TRPM3: variants seen among roughly 807,000 people sequenced by gnomAD.
TRPM3 encodes transient receptor potential cation channel subfamily M member 3, also known as long transient receptor potential channel 3.
Under a neutral mutation model 181.2 loss-of-function variants are expected in TRPM3, and 77 were observed. The ratio of observed to expected loss-of-function variants is 0.42; its 90% confidence interval spans 0.35 to 0.51. The LOEUF (loss-of-function observed/expected upper bound fraction) is 0.51. TRPM3 is among the 20% of genes least tolerant of loss of function. The probability of loss-of-function intolerance (pLI) is 0.01; values close to 1 mark genes in which losing one functional copy is unlikely to be tolerated. For synonymous variants in TRPM3, 745 were observed against 796.4 expected (o/e 0.94, Z 1.09); for missense variants, 1,759 against 2,196.7 (o/e 0.80, Z 3.98).
At chr9:71,147,826 G>C (rs1353286872) in intron 1 of TRPM3, among the ~76,000 whole-genome samples, 1 of 152,152 alleles carries the variant, frequency 6.6e-6, no homozygotes, top group Non-Finnish European at 1.5e-5. Flanking sequence ...CCTGGGGGAA[G>C]CGACAATGCA....
Position 71,004,322 on chromosome 9 carries a change from G to A in TRPM3, c.177+116856C>T, listed in dbSNP as rs2097650250. Among the ~76,000 whole-genome samples the A allele has an allele frequency of 2.0e-5, 3 of 152,354 alleles. No individual in the cohort carries two copies. In the South Asian group the frequency reaches 6.2e-4, roughly 32 times the overall value. On this transcript the variant is annotated intron_variant, in intron 1 of 25. Transcript: ENST00000677713. ...ACCCAAAGGCTGGTGATTAAGTAGT[G>A]GCACTAACTTAAGTCTTTCTCAGAC...
intron 1 of TRPM3, among the ~76,000 whole-genome samples, chr9:70,913,186 CATA>C (rs1345163708): frequency 2.0e-5 from 3 of 152,112 alleles, no homozygotes; most frequent in African/African-American, 7.2e-5. Context: ...AACTGTCTTC[CATA>C]ATATTTGATT....
At chr9:71,365,063 AG>A (rs901101762) in intron 1 of TRPM3, among the ~76,000 whole-genome samples, 2 of 152,184 alleles carry the variant, frequency 1.3e-5, no homozygotes, top group Non-Finnish European at 2.9e-5. Flanking sequence ...GACAAAGAAA[AG>A]GTACACAAGG....
intron 8 of TRPM3, among the ~76,000 whole-genome samples, chr9:70,739,849 C>T (rs909517071): frequency 2.0e-5 from 3 of 152,092 alleles, no homozygotes; most frequent in Non-Finnish European, 4.4e-5. Flanking sequence ...AACTACTGGC[C>T]TCAAGTGATC....
At position 70,761,744 on chromosome 9, in the gene TRPM3, C is replaced by A; in HGVS notation, c.1149-20G>T. The stretch of plus-strand genomic sequence containing the variant: ...ATCAGTCTGCAAGTAAAAACAATGT[C>A]AAAAGCAGGTCAACCAACTCCTATT... On this transcript the variant is annotated intron_variant, in intron 7 of 25. Coordinates refer to ENST00000677713, the MANE Select transcript of TRPM3 (RefSeq NM_001366145.2). The A allele has an allele frequency of 6.2e-7, 1 of 1,600,600 alleles. No homozygotes were observed.
At position 71,267,084 on chromosome 9, in the gene TRPM3, G is replaced by A. The variant is rs531294219; in HGVS notation, c.183+179569C>T. Among the ~76,000 whole-genome samples, 10 of 152,054 alleles carry A rather than the reference G, an allele frequency of 6.6e-5. No homozygotes were observed. In the East Asian group the frequency reaches 1.5e-3, roughly 24 times the overall value. ...CTATGGCAAATTCATGGAGAGTCCC[G>A]AGAAGCTATTCTGCCTACCTGGAGC... is the stretch of plus-strand genomic sequence containing the variant. On this transcript the variant is annotated intron_variant, in intron 1 of 24. Transcript: ENST00000357533.
chr9:70,922,268 T>G (rs1239511083), intron 1 of TRPM3, among the ~76,000 whole-genome samples: 2 of 152,128 alleles, frequency 1.3e-5, no homozygotes, highest in East Asian at 3.9e-4. Context: ...GAGATTGAAC[T>G]CTGAACAATA....
At chr9:71,254,393 G>A (rs560261999) in intron 1 of TRPM3, among the ~76,000 whole-genome samples, 1 of 152,288 alleles carries the variant, frequency 6.6e-6, no homozygotes, top group African/African-American at 2.4e-5. Flanking sequence ...CATTTAGACA[G>A]GAGATATAAG....
chr9:70,872,643 T>C (rs927769733), intron 1 of TRPM3, among the ~76,000 whole-genome samples: 9 of 151,910 alleles, frequency 5.9e-5, no homozygotes, highest in Admixed American at 5.3e-4. Flanking sequence ...TTTGTCTGTG[T>C]CCCCCACTAG....
At chr9:70,909,108 A>G (rs1385874298) in intron 1 of TRPM3, among the ~76,000 whole-genome samples, 12 of 152,262 alleles carry the variant, frequency 7.9e-5, no homozygotes, top group Admixed American at 7.9e-4. Context: ...ATTGCAGTGC[A>G]TTAAAAATGT....
chr9:70,753,251 A>G (rs2135124371), intron 8 of TRPM3, among the ~76,000 whole-genome samples: 1 of 152,250 alleles, frequency 6.6e-6, no homozygotes, highest in African/African-American at 2.4e-5. Context: ...GTACATCAAA[A>G]AAAGTGAAAA....
chr9:71,372,330 T>A (rs1462805643), intron 1 of TRPM3, among the ~76,000 whole-genome samples: 1 of 152,208 alleles, frequency 6.6e-6, no homozygotes, highest in African/African-American at 2.4e-5. Context: ...TTATTTATAT[T>A]CCTTTGGGTA....
chr9:70,661,418 A>T (rs2061120688), intron 9 of TRPM3, among the ~76,000 whole-genome samples: 1 of 152,288 alleles, frequency 6.6e-6, no homozygotes, highest in Non-Finnish European at 1.5e-5. Flanking sequence ...TATTCAACTT[A>T]GTACTGGAAG....
rs1554756427 is a variant in TRPM3 at position 70,574,092 on chromosome 9, G to GCACA, written c.3223+16935_3223+16938dup. ...TCATGTCAGACACACACACGCGCGC[G>GCACA]CACACACACACACACACACTACTAA... On this transcript the variant is annotated intron_variant, in intron 22 of 25. Transcript: ENST00000677713. 8.2e-3 allele frequency among the ~76,000 whole-genome samples: 981 copies of GCACA among 119,168 alleles called. 9 individuals carry two copies. Among genetic ancestry groups the GCACA allele is most frequent in the African/African-American group, 0.026 (922 of 35,774 alleles). The allele number at this position is 119,168 out of a possible 152,430, so 78.2% of individuals were successfully genotyped here.
At chr9:70,919,435 T>G (rs1287063951) in intron 1 of TRPM3, among the ~76,000 whole-genome samples, 1 of 152,186 alleles carries the variant, frequency 6.6e-6, no homozygotes, top group East Asian at 1.9e-4. Context: ...ATTTGTTACC[T>G]TCTTGAAGGT....
Position 70,533,717 on chromosome 9 carries a change from T to C in TRPM3, c.*2236A>G, listed in dbSNP as rs751053869. The C allele has an allele frequency of 6.6e-6, 1 of 152,064 alleles. No individual in the cohort carries two copies. The highest frequency in any genetic ancestry group is 2.4e-5 in the African/African-American group (1 of 41,404). The allele number at this position is 152,064 out of a possible 1,614,324, so 9.4% of individuals were successfully genotyped here. Reference sequence around the variant, plus strand: ...CAGTGCATGTTTGCTGAGAGGGAAATAGCCAGCGTGGGGCCCAATAAAATG... The same window carrying C: ...CAGTGCATGTTTGCTGAGAGGGAAACAGCCAGCGTGGGGCCCAATAAAATG... On this transcript the variant is annotated 3_prime_UTR_variant, in exon 26 of 26. Coordinates refer to ENST00000677713, the MANE Select transcript of TRPM3 (RefSeq NM_001366145.2).
intron 1 of TRPM3, among the ~76,000 whole-genome samples, chr9:71,086,724 A>C (rs2133841291): frequency 6.6e-6 from 1 of 152,096 alleles, no homozygotes. Flanking sequence ...CCTCTGCCTA[A>C]GGAAAGAATC....
At chr9:71,430,271 TAAC>T (rs976901827) in intron 1 of TRPM3, among the ~76,000 whole-genome samples, 1 of 152,168 alleles carries the variant, frequency 6.6e-6, no homozygotes, top group Non-Finnish European at 1.5e-5. Context: ...AAAAAAAGCT[TAAC>T]AAAATGCTAA....
intron 1 of TRPM3, among the ~76,000 whole-genome samples, chr9:71,154,847 C>G (rs531316129): frequency 6.6e-6 from 1 of 152,234 alleles, no homozygotes; most frequent in African/African-American, 2.4e-5. Context: ...AAGAACGATA[C>G]AGTTTAAAAT....
Sources: gnomAD v4.1 joint callset for allele counts (sites outside exome capture counted in the v4.1 genomes callset) on GRCh38, gnomAD v4.1.1 for gene constraint, MANE v1.5 for transcripts, NCBI Gene and HGNC (gene_info 2026-07-23, HGNC 2026-07-21) for gene names.